The following RAB11FIP3 variants were observed in gnomAD, a reference collection of about 807,000 sequenced individuals.
RAB11FIP3 encodes RAB11 family interacting protein 3, also known as rab11 family-interacting protein 3.
In RAB11FIP3, 17 loss-of-function variants were observed where a neutral mutation model predicts 77.8. The ratio of observed to expected loss-of-function variants is 0.22; its 90% CI spans 0.15 to 0.33. The LOEUF is 0.33. RAB11FIP3 is among the 10% of genes least tolerant of loss of function. The pLI, the probability that RAB11FIP3 is intolerant of heterozygous loss-of-function variation, is 1.00. For missense variants in RAB11FIP3, 1,005 were observed against 1,011.2 expected, an observed-to-expected ratio of 0.99 and a Z score of 0.08; for synonymous variants, 437 against 448.2, an observed-to-expected ratio of 0.98 and a Z score of 0.31.
At chr16:510,502 C>T in intron 8 of RAB11FIP3, 158 bp from the exon 9 acceptor site, 1 of 835,334 alleles carries the variant, frequency 1.2e-6, no homozygotes, top group Non-Finnish European at 1.8e-6. Context: ...TTCGCTGCTT[C>T]AGAACTGCCT....
chr16:497,578 C>A, intron 6 of RAB11FIP3: 1 of 787,820 alleles, frequency 1.3e-6, no homozygotes, highest in Non-Finnish European at 1.7e-6. Context: ...CTCCTCTCTG[C>A]CCTGTTGTGC....
intron 2 of RAB11FIP3, among the ~76,000 whole-genome samples, chr16:463,002 T>C (rs1331189184): frequency 2.0e-5 from 3 of 152,242 alleles, no homozygotes; most frequent in African/African-American, 7.2e-5. Flanking sequence ...CAACTCTTTG[T>C]GTGGATGCGT....
At chr16:455,277 C>T (rs190337573) in intron 1 of RAB11FIP3, among the ~76,000 whole-genome samples, 256 of 151,856 alleles carry the variant, frequency 1.7e-3, no homozygotes, top group African/African-American at 5.7e-3. Flanking sequence ...GTCAGGAGTT[C>T]AAGACCAGCC....
chr16:458,534 C>CTGGGGGGCCTTCCTCGGGTTCAGT (rs2055544542), intron 1 of RAB11FIP3, among the ~76,000 whole-genome samples: 1 of 35,404 alleles, frequency 2.8e-5, no homozygotes, highest in Admixed American at 2.5e-4. Context: ...TCGGGTTCAC[C>CTGGGGGGCCTTCCTCGGGTTCAGT]GATGCCCACA....
At chr16:450,594 C>T (rs2055391279) in intron 1 of RAB11FIP3, among the ~76,000 whole-genome samples, 1 of 152,202 alleles carries the variant, frequency 6.6e-6, no homozygotes, top group South Asian at 2.1e-4. Flanking sequence ...ACCCAGGACA[C>T]TGCAGCGGCT....
At chr16:491,003 A>G in intron 5 of RAB11FIP3, 1 of 826,552 alleles carries the variant, frequency 1.2e-6, no homozygotes, top group Non-Finnish European at 1.6e-6. Context: ...AACATTGCAC[A>G]GCTCATTCTC....
In RAB11FIP3 at chr16:426,560, C is replaced by G; in HGVS notation, c.554C>G (p.Ser185Trp). Reference sequence around the variant, plus strand: ...GGTCCCGGGTCCCCGCCGCAGCCCTCGGACCTCAGCCAGACCCACCCCCTT... The same window carrying G: ...GGTCCCGGGTCCCCGCCGCAGCCCTGGGACCTCAGCCAGACCCACCCCCTT... ...EQGPGSPPQP[S>W]DLSQTHPLPS... Residue 185 changes from serine (S) to tryptophan (W), a missense_variant, in exon 1 of 14, where the codon TCG (serine) becomes TGG (tryptophan). This residue lies in a region of RAB11FIP3 where 466 missense variants were observed against 408.3 expected (regional missense o/e 1.14). Transcript: ENST00000262305. The surrounding 1 kb of genome is among the most constrained non-coding windows in gnomAD (Gnocchi z 5.0). 2 of 1,587,738 alleles carry G rather than the reference C, an allele frequency of 1.3e-6. No homozygotes were observed. The highest frequency in any genetic ancestry group is 1.7e-6 in the Non-Finnish European group (2 of 1,169,002).
At position 426,212 on chromosome 16, in the gene RAB11FIP3, G is replaced by T; in HGVS notation, c.206G>T (p.Arg69Leu). Residue 69 changes from arginine (R) to leucine (L), a missense_variant, in exon 1 of 14, where the codon CGT (arginine) becomes CTT (leucine). Arg to Leu is a moderately radical substitution (Grantham distance 102). Coordinates refer to ENST00000262305, the MANE Select transcript of RAB11FIP3 (RefSeq NM_014700.4). The surrounding 1 kb of genome is among the most constrained non-coding windows in gnomAD (Gnocchi z 5.0). ...GGGGCCGCTGCAGATGGCGGGGCGC[G>T]TTGGAGCGCCGGGCCGGCCCCGGGG... ...APGAAADGGA[R>L]WSAGPAPGLE... 9.8e-7 allele frequency: 1 copy of T among 1,021,652 alleles called. No individual in the cohort carries two copies. The highest frequency in any genetic ancestry group is 1.2e-6 in the Non-Finnish European group (1 of 855,728). 63.3% of individuals were successfully genotyped at this position (1,021,652 alleles called of 1,614,324 possible).
Position 441,053 on chromosome 16 carries a change from G to A in RAB11FIP3, c.714+14333G>A, listed in dbSNP as rs1477494355. ...GCTCCCAGGTTCAAGCGATTCTCCC[G>A]CGTCTGCCTCCCGAGTAGCTGGGAT... On this transcript the variant is annotated intron_variant, in intron 1 of 13. Transcript: ENST00000262305. Among the ~76,000 whole-genome samples the A allele has an allele frequency of 6.6e-5, 10 of 152,124 alleles. No individual in the cohort carries two copies. The South Asian group carries it at 1.2e-3, about 19-fold the overall frequency.
At chr16:469,066 A>G (rs1596238793) in intron 2 of RAB11FIP3, among the ~76,000 whole-genome samples, 1 of 151,950 alleles carries the variant, frequency 6.6e-6, no homozygotes, top group Admixed American at 6.5e-5. Flanking sequence ...TTAATTTATT[A>G]TTATTATTAT....
At chr16:513,975 C>T (rs976463501) in intron 9 of RAB11FIP3, among the ~76,000 whole-genome samples, 5 of 152,206 alleles carry the variant, frequency 3.3e-5, no homozygotes, top group Admixed American at 6.5e-5. Flanking sequence ...GGGACCTTTC[C>T]GCTGGGGCTG....
chr16:474,962 ATTG>A, intron 3 of RAB11FIP3: 1 of 1,310,048 alleles, frequency 7.6e-7, no homozygotes. Flanking sequence ...GGAAGGTGAC[ATTG>A]TTGTTTGAGA....
intron 1 of RAB11FIP3, among the ~76,000 whole-genome samples, chr16:427,026 G>A (rs928451573): frequency 6.6e-6 from 1 of 151,950 alleles, no homozygotes. Context: ...CCCCCAGGGG[G>A]CCTGATCGCC....
At position 482,592 on chromosome 16, in the gene RAB11FIP3, C is replaced by T. The variant is rs766981935; in HGVS notation, c.971C>T (p.Thr324Met). ...ACCTACAGTGAGTGTGAGACCTTCA[C>T]GGACGAGGACACCAGCACCCTGGTG... Reference protein sequence around the residue: ...ESTYSECETFTDEDTSTLVHP... With the variant: ...ESTYSECETFMDEDTSTLVHP... The change falls in exon 4 of 14, where the codon ACG becomes ATG. Residue 324 changes from threonine to methionine, a missense_variant. Coordinates refer to ENST00000262305, the MANE Select transcript of RAB11FIP3 (RefSeq NM_014700.4). The T allele has an allele frequency of 6.2e-6, 10 of 1,613,522 alleles. No homozygotes were observed. The highest frequency in any genetic ancestry group is 8.5e-6 in the Non-Finnish European group (10 of 1,180,054).
chr16:468,094 G>T (rs1596237019), intron 2 of RAB11FIP3, among the ~76,000 whole-genome samples: 1 of 43,076 alleles, frequency 2.3e-5, no homozygotes, highest in Non-Finnish European at 4.7e-5. Flanking sequence ...GTGCAGGGGC[G>T]TCAGGGAGGA....
intron 4 of RAB11FIP3, among the ~76,000 whole-genome samples, chr16:488,020 G>A (rs988517293): frequency 2.0e-5 from 3 of 151,094 alleles, no homozygotes; most frequent in Admixed American, 2.0e-4. Context: ...GGGCACACGA[G>A]TGAGGAGTGT....
intron 5 of RAB11FIP3, among the ~76,000 whole-genome samples, chr16:496,092 A>T (rs1295984397): frequency 6.6e-6 from 1 of 152,144 alleles, no homozygotes; most frequent in Non-Finnish European, 1.5e-5. Context: ...AGAAAATCAG[A>T]GGTGTTTTTG....
chr16:512,788 C>T (rs2032245178), intron 9 of RAB11FIP3, among the ~76,000 whole-genome samples: 1 of 152,122 alleles, frequency 6.6e-6, no homozygotes, highest in South Asian at 2.1e-4. Flanking sequence ...GGTAATCCAC[C>T]CGCCTCAGCC....
Position 477,860 on chromosome 16 carries a change from C to T in RAB11FIP3, c.904-4665C>T, listed in dbSNP as rs914776592. ...AGAAGCAGCTGGCAGGGATTTCCCA[C>T]CCACCAGTGACACTCGCACCCTGCA... is the stretch of plus-strand genomic sequence containing the variant. On this transcript the variant is annotated intron_variant, in intron 3 of 13. Coordinates refer to ENST00000262305, the MANE Select transcript of RAB11FIP3 (RefSeq NM_014700.4). Among the ~76,000 whole-genome samples, 24 of 152,356 alleles carry T rather than the reference C, an allele frequency of 1.6e-4. 1 individual carries two copies. The Middle Eastern group carries it at 0.01, about 65-fold the overall frequency.
Sources: gnomAD v4.1 joint callset for allele counts (sites outside exome capture counted in the v4.1 genomes callset) on GRCh38, gnomAD v4.1.1 for gene constraint, gnomAD v4.1.1 regional missense constraint, Gnocchi (gnomAD v3.1) non-coding constraint, MANE v1.5 for transcripts, NCBI Gene and HGNC (gene_info 2026-07-23, HGNC 2026-07-21) for gene names.